Variants in ARHGAP32 observed in about 807,000 individuals in gnomAD.
ARHGAP32 encodes the protein Rho GTPase activating protein 32.
Under a neutral mutation model 186.5 loss-of-function variants are expected in ARHGAP32, and 51 were observed. The ratio of observed to expected loss-of-function variants is 0.27; its 90% confidence interval spans 0.22 to 0.35. ARHGAP32 has a LOEUF of 0.35. Among genes scored for constraint, ARHGAP32 ranks in the 10% least tolerant of loss-of-function variants. The pLI, the probability that ARHGAP32 is intolerant of heterozygous loss-of-function variation, is 1.00. For missense variants in ARHGAP32, 2,186 were observed against 2,623.5 expected (o/e 0.83, Z 3.64); for synonymous variants, 950 against 964.3 (o/e 0.99, Z 0.27).
chr11:129,028,354 G>A (rs888021723), intron 11 of ARHGAP32, among the ~76,000 whole-genome samples: 29 of 152,302 alleles, frequency 1.9e-4, no homozygotes, highest in Admixed American at 5.9e-4. Flanking sequence ...AGAGTACCTT[G>A]GGAAGAGAGT....
At chr11:129,119,115 A>G (rs1942453727) in intron 5 of ARHGAP32, among the ~76,000 whole-genome samples, 2 of 151,944 alleles carry the variant, frequency 1.3e-5, no homozygotes, top group African/African-American at 4.8e-5. Flanking sequence ...CACAACCTCA[A>G]TCAGAACTCA....
chr11:129,199,559 G>A (rs1396628588), intron 1 of ARHGAP32, among the ~76,000 whole-genome samples: 2 of 152,250 alleles, frequency 1.3e-5, no homozygotes, highest in African/African-American at 4.8e-5. Context: ...TGTTGAGCCT[G>A]CAGGTGCACA....
chr11:129,215,208 C>T (rs1287341348), intron 1 of ARHGAP32, among the ~76,000 whole-genome samples: 1 of 152,114 alleles, frequency 6.6e-6, no homozygotes, highest in Non-Finnish European at 1.5e-5. Context: ...TTTCTTAAAC[C>T]TAGGGTTAAG....
chr11:128,983,776 G>C (rs1322868773), intron 15 of ARHGAP32, among the ~76,000 whole-genome samples: 1 of 152,000 alleles, frequency 6.6e-6, no homozygotes, highest in Admixed American at 6.5e-5. Context: ...TGTATTTTAT[G>C]AGAATTGCAA....
intron 2 of ARHGAP32, among the ~76,000 whole-genome samples, chr11:129,129,463 C>T (rs896833528): frequency 1.3e-5 from 2 of 149,608 alleles, no homozygotes; most frequent in Admixed American, 6.6e-5. Context: ...AGGTGGGGGG[C>T]GCCTCTGCCC....
intron 10 of ARHGAP32, among the ~76,000 whole-genome samples, chr11:129,050,372 A>G (rs985069598): frequency 6.6e-6 from 1 of 151,696 alleles, no homozygotes; most frequent in African/African-American, 2.4e-5. Context: ...TTTAATTTTG[A>G]GAGTTTTTGT....
chr11:129,088,484 G>A (rs1246137677), intron 6 of ARHGAP32, among the ~76,000 whole-genome samples: 1 of 152,108 alleles, frequency 6.6e-6, no homozygotes, highest in Non-Finnish European at 1.5e-5. Context: ...GGAGGCTGAG[G>A]CAGGAGAATC....
Position 128,998,463 on chromosome 11 carries a change from T to C in ARHGAP32, c.1051A>G (p.Lys351Glu). ...AACGTAATGAGCTTGCCGTGCTTTT[T>C]AGACACTAAAAATCAATAAAGAGAA... The part of the protein sequence containing the change: ...VTNSVPKPVS[K>E]KHGKLITFLR... Residue 351 changes from lysine to glutamate, a missense_variant, in exon 12 of 23, where the codon AAA (lysine) becomes GAA (glutamate). Physicochemically the swap from Lys to Glu is moderately conservative, Grantham distance 56 (BLOSUM62 1). Coordinates refer to ENST00000682385, the MANE Select transcript of ARHGAP32 (RefSeq NM_001378024.1). The C allele has an allele frequency of 1.3e-6, 2 of 1,540,978 alleles. No homozygotes were observed. The highest frequency in any genetic ancestry group is 1.8e-6 in the Non-Finnish European group (2 of 1,137,754).
chr11:129,077,972 A>C (rs1941099417), intron 6 of ARHGAP32, among the ~76,000 whole-genome samples: 2 of 152,224 alleles, frequency 1.3e-5, no homozygotes, highest in South Asian at 4.1e-4. Context: ...ACAGGACCTG[A>C]GTCTGTCCAC....
At chr11:129,198,974 T>A (rs897192722) in intron 1 of ARHGAP32, among the ~76,000 whole-genome samples, 1 of 152,200 alleles carries the variant, frequency 6.6e-6, no homozygotes, top group Non-Finnish European at 1.5e-5. Context: ...GAGGAACTTG[T>A]TGGGAACCAG....
At chr11:129,025,994 T>G (rs139244004) in intron 11 of ARHGAP32, among the ~76,000 whole-genome samples, 218 of 151,878 alleles carry the variant, frequency 1.4e-3, no homozygotes, top group African/African-American at 4.8e-3. Context: ...AATAACTGTA[T>G]TCCACAATCA....
chr11:129,231,957 T>G (rs1381688936), intron 1 of ARHGAP32, among the ~76,000 whole-genome samples: 1 of 134,766 alleles, frequency 7.4e-6, no homozygotes, highest in Non-Finnish European at 1.5e-5. Flanking sequence ...CCCAGGAGGT[T>G]AAGGCTGCAG....
intron 1 of ARHGAP32, among the ~76,000 whole-genome samples, chr11:129,226,049 G>C (rs1221231379): frequency 1.1e-4 from 16 of 152,088 alleles, no homozygotes; most frequent in Admixed American, 9.8e-4. Context: ...GGTCAATTGA[G>C]ATTATCTAAT....
At chr11:129,024,592 T>C (rs1370328393) in intron 11 of ARHGAP32, among the ~76,000 whole-genome samples, 4 of 152,190 alleles carry the variant, frequency 2.6e-5, no homozygotes, top group South Asian at 2.1e-4. Context: ...ACTTACACAG[T>C]CTCTGTGTGA....
At chr11:129,024,206 A>G (rs1407017059) in intron 11 of ARHGAP32, 6 of 984,194 alleles carry the variant, frequency 6.1e-6, no homozygotes, top group African/African-American at 1.7e-5. Flanking sequence ...AACACCACAG[A>G]AACGCCCCAG....
At position 128,973,119 on chromosome 11, in the gene ARHGAP32, T is replaced by C. The variant is rs765646125; in HGVS notation, c.3387A>G (p.Gly1129=). ...TCTCTGGTAGAGGATGGTCACAGTT[T>C]CCTGGTGCATTATTCTGGAGGTGGA... ...EQFHLQNNAP[G]NCDHPLPETT... Residue 1129 remains glycine (G), a synonymous_variant, in exon 22 of 23, where the codon GGA becomes GGG. Coordinates refer to ENST00000682385, the MANE Select transcript of ARHGAP32 (RefSeq NM_001378024.1). The C allele has an allele frequency of 6.2e-7, 1 of 1,614,222 alleles. No homozygotes were observed. The highest frequency in any genetic ancestry group is 1.1e-5 in the South Asian group (1 of 91,082).
In ARHGAP32 at chr11:128,973,756, G is replaced by C. The variant is rs540148428; in HGVS notation, c.3074-324C>G. ...TCAAGTGCTTGTAGACTGTTATTAT[G>C]AACAGTTTTTACATTTGATGGTGTA... is the stretch of plus-strand genomic sequence containing the variant. On this transcript the variant is annotated intron_variant, in intron 21 of 22. Transcript: ENST00000682385. The C allele has an allele frequency of 1.0e-4, 54 of 516,680 alleles. No individual in the cohort carries two copies. The East Asian group carries it at 1.5e-3, about 14-fold the overall frequency. The allele number at this position is 516,680 out of a possible 1,614,324, so 32.0% of individuals were successfully genotyped here. A position where few individuals can be genotyped will look rare whatever the true frequency, so the allele number is the denominator to read the frequency against.
chr11:129,023,073 AAATGT>A lies in ARHGAP32; in HGVS notation c.1045+17850_1045+17854del, dbSNP rs1454538144. On this transcript the variant is annotated intron_variant, in intron 11 of 22. Coordinates refer to ENST00000682385, the MANE Select transcript of ARHGAP32 (RefSeq NM_001378024.1). ...ACTAGTGCAACAATCCTGGAAAGAA[AAATGT>A]TCAACCTCTGTTAAGAAGTTGAACA... Among the ~76,000 whole-genome samples, 177 of 152,286 alleles carry A rather than the reference AAATGT, an allele frequency of 1.2e-3. 2 individuals carry two copies. In the East Asian group the frequency reaches 0.031, roughly 27 times the overall value.
chr11:129,269,738 C>A (rs945646457), intron 1 of ARHGAP32, among the ~76,000 whole-genome samples: 1 of 152,100 alleles, frequency 6.6e-6, no homozygotes, highest in Non-Finnish European at 1.5e-5. Context: ...AAAAATAAGT[C>A]ATTTTAAGTA....
Sources: allele counts gnomAD v4.1 joint callset (sites outside exome capture counted in the v4.1 genomes callset), GRCh38; gene constraint gnomAD v4.1.1; transcripts MANE v1.5; gene names NCBI Gene and HGNC (gene_info 2026-07-23, HGNC 2026-07-21).